The following PDE4B variants were observed in gnomAD, a reference collection of about 807,000 sequenced individuals.
PDE4B encodes the protein phosphodiesterase 4B, also known as 3',5'-cyclic-AMP phosphodiesterase 4B.
PDE4B carries 20 observed loss-of-function variants against 82.2 expected under a neutral mutation model. The ratio of observed to expected loss-of-function variants is 0.24; its 90% confidence interval spans 0.17 to 0.35. The LOEUF is 0.35. Ranked by LOEUF, PDE4B falls within the 10% of genes least tolerant of loss-of-function variation. PDE4B has a pLI of 1.00. For synonymous variants in PDE4B, 320 were observed against 318.9 expected (o/e 1.00, Z -0.04); for missense variants, 655 against 907.2 (o/e 0.72, Z 3.57).
At chr1:66,102,308 C>T (rs2503161) in intron 3 of PDE4B, among the ~76,000 whole-genome samples, 74,883 of 151,814 alleles carry the variant, frequency 0.49, 18,991 homozygotes, top group East Asian at 0.67. Context: ...ATCGTGTTTT[C>T]GGGGAGAATG....
At position 66,142,498 on chromosome 1, in the gene PDE4B, G is replaced by GT. The variant is rs1183382302; in HGVS notation, c.282-104953dup. Among the ~76,000 whole-genome samples, 525 of 151,478 alleles carry GT rather than the reference G, an allele frequency of 3.5e-3. 3 individuals carry two copies. Among genetic ancestry groups the GT allele is most frequent in the African/African-American group, 0.011 (441 of 41,284 alleles). ...GCAGTATGCCAACACACTAACAGTG[G>GT]TTTTTTTTTAAATTTTTTTGACAGA... On this transcript the variant is annotated intron_variant, in intron 3 of 16. Transcript: ENST00000341517.
chr1:66,327,749 C>G (rs763757722), intron 7 of PDE4B, among the ~76,000 whole-genome samples: 1 of 152,192 alleles, frequency 6.6e-6, no homozygotes, highest in Non-Finnish European at 1.5e-5. Context: ...TGCACAGCTT[C>G]CCTGTGCATT....
intron 3 of PDE4B, among the ~76,000 whole-genome samples, chr1:65,958,547 G>A (rs1013336205): frequency 6.6e-6 from 1 of 152,158 alleles, no homozygotes; most frequent in African/African-American, 2.4e-5. Context: ...TATAAATAAT[G>A]TGGTAGGATT....
intron 3 of PDE4B, among the ~76,000 whole-genome samples, chr1:66,197,148 C>T (rs560029321): frequency 4.6e-5 from 7 of 152,162 alleles, no homozygotes; most frequent in African/African-American, 1.7e-4. Flanking sequence ...AGGAGTATCA[C>T]TCTTGGTAAT....
intron 1 of PDE4B, among the ~76,000 whole-genome samples, chr1:65,819,388 T>A (rs1055107468): frequency 3.9e-5 from 6 of 152,200 alleles, no homozygotes; most frequent in Admixed American, 1.3e-4. Flanking sequence ...CCGGAACTGT[T>A]ATTTGATTAG....
intron 1 of PDE4B, among the ~76,000 whole-genome samples, chr1:65,808,169 CTTTT>C (rs920861530): frequency 1.6e-5 from 2 of 128,978 alleles, no homozygotes; most frequent in African/African-American, 2.8e-5. Flanking sequence ...TAGACAAACA[CTTTT>C]TTTTTTTTTT....
chr1:66,001,566 A>C (rs1220428502), intron 3 of PDE4B, among the ~76,000 whole-genome samples: 1 of 152,060 alleles, frequency 6.6e-6, no homozygotes, highest in Non-Finnish European at 1.5e-5. Context: ...ACTGGATCAA[A>C]ATTTGGATTT....
At chr1:66,280,541 A>C (rs1216241253) in intron 7 of PDE4B, among the ~76,000 whole-genome samples, 4 of 152,212 alleles carry the variant, frequency 2.6e-5, no homozygotes, top group African/African-American at 9.7e-5. Flanking sequence ...CACAGAGTTG[A>C]GTATGAAACT....
chr1:66,275,675 C>T (rs564459887), intron 7 of PDE4B, among the ~76,000 whole-genome samples: 3 of 152,232 alleles, frequency 2.0e-5, no homozygotes, highest in Admixed American at 6.5e-5. Flanking sequence ...GTGAATTCTG[C>T]TTGCTTGCTT....
At chr1:66,005,206 T>C (rs1352948732) in intron 3 of PDE4B, among the ~76,000 whole-genome samples, 2 of 152,092 alleles carry the variant, frequency 1.3e-5, no homozygotes, top group Non-Finnish European at 2.9e-5. Flanking sequence ...GTTTCTGCTT[T>C]ATGGGACCAT....
chr1:66,198,939 C>T (rs1337850704), intron 3 of PDE4B, among the ~76,000 whole-genome samples: 1 of 152,100 alleles, frequency 6.6e-6, no homozygotes, highest in Non-Finnish European at 1.5e-5. Context: ...AGGACATGAA[C>T]TCATCATTTT....
chr1:65,932,293 T>C (rs1163025754), intron 3 of PDE4B, among the ~76,000 whole-genome samples: 2 of 151,540 alleles, frequency 1.3e-5, no homozygotes, highest in African/African-American at 4.9e-5. Context: ...ATGGGAAGAG[T>C]TGGAAAGGGC....
At chr1:66,363,696 G>C in intron 12 of PDE4B, 125 bp downstream of exon 12, 1 of 692,196 alleles carries the variant, frequency 1.4e-6, no homozygotes, top group African/African-American at 1.8e-5. Context: ...AGGATTGCTT[G>C]AGCCCAGGGG....
intron 1 of PDE4B, among the ~76,000 whole-genome samples, chr1:65,884,436 A>G (rs1244608255): frequency 6.6e-6 from 1 of 152,186 alleles, no homozygotes. Flanking sequence ...AGCTGGAGGC[A>G]TCATGCTACC....
chr1:65,926,321 C>T (rs919243696), intron 3 of PDE4B, among the ~76,000 whole-genome samples: 1 of 152,118 alleles, frequency 6.6e-6, no homozygotes, highest in African/African-American at 2.4e-5. Flanking sequence ...GTTGAGATAA[C>T]CTTGTGAACA....
At chr1:66,293,766 A>G (rs1273680048) in intron 7 of PDE4B, among the ~76,000 whole-genome samples, 1 of 152,234 alleles carries the variant, frequency 6.6e-6, no homozygotes, top group African/African-American at 2.4e-5. Flanking sequence ...CAGCCAATAG[A>G]CATACAAAAA....
At chr1:65,918,285 T>C (rs1429160662) in intron 2 of PDE4B, among the ~76,000 whole-genome samples, 1 of 152,244 alleles carries the variant, frequency 6.6e-6, no homozygotes, top group East Asian at 1.9e-4. Context: ...AATATCATTT[T>C]AGCAACTTAT....
At chr1:66,201,640 T>C in intron 3 of PDE4B, among the ~76,000 whole-genome samples, 1 of 151,254 alleles carries the variant, frequency 6.6e-6, no homozygotes, top group Non-Finnish European at 1.5e-5. Flanking sequence ...CGTAGAGGTG[T>C]TTGTAGTATT....
At chr1:65,843,149 G>A (rs776580713) in intron 1 of PDE4B, among the ~76,000 whole-genome samples, 2 of 152,108 alleles carry the variant, frequency 1.3e-5, no homozygotes, top group African/African-American at 2.4e-5. Flanking sequence ...CATTCTGAAG[G>A]CCTGAGGTAC....
Sources: allele counts gnomAD v4.1 joint callset (sites outside exome capture counted in the v4.1 genomes callset), GRCh38; gene constraint gnomAD v4.1.1; transcripts MANE v1.5; gene names NCBI Gene and HGNC (gene_info 2026-07-23, HGNC 2026-07-21).